Variants in CMSS1 observed in about 807,000 individuals in gnomAD.
CMSS1 encodes cms1 ribosomal small subunit homolog.
In CMSS1, 33 loss-of-function variants were observed where a neutral mutation model predicts 43.5. The observed-to-expected ratio is 0.76, with a 90% CI of 0.57 to 1.01. The LOEUF (loss-of-function observed/expected upper bound fraction) is 1.01, where lower values mean the gene tolerates loss of function less well. Ranked by LOEUF, CMSS1 falls within the 50% of genes least tolerant of loss-of-function variation. The pLI is 0.00. For missense variants in CMSS1, 313 were observed against 326.4 expected (o/e 0.96, Z 0.32); for synonymous variants, 115 against 117.2 (o/e 0.98, Z 0.12).
chr3:100,155,827 A>G (rs1386072018), intron 2 of CMSS1, among the ~76,000 whole-genome samples: 2 of 152,176 alleles, frequency 1.3e-5, no homozygotes, highest in Non-Finnish European at 2.9e-5. Context: ...TCATTCCATT[A>G]AGTTCTAGCA....
chr3:100,024,040 C>G (rs1169079269), intron 1 of CMSS1, among the ~76,000 whole-genome samples: 1 of 152,108 alleles, frequency 6.6e-6, no homozygotes, highest in Admixed American at 6.6e-5. Flanking sequence ...CAAGGATATG[C>G]CAGACTATCA....
At chr3:100,012,159 G>A (rs1373585505) in intron 1 of CMSS1, among the ~76,000 whole-genome samples, 2 of 152,154 alleles carry the variant, frequency 1.3e-5, no homozygotes, top group Non-Finnish European at 1.5e-5. Context: ...CTAAACTTGA[G>A]TGGGATTTAT....
chr3:100,102,133 C>T lies in CMSS1; in HGVS notation c.65-44840C>T, dbSNP rs186008345. On this transcript the variant is annotated intron_variant, in intron 1 of 9. Transcript: ENST00000421999. ...AGATTTATAATCCTTTGGGTATATACCCAGTAATGGGATTGCTGGGTCAAA... is the reference window on the plus strand; with the variant it reads ...AGATTTATAATCCTTTGGGTATATATCCAGTAATGGGATTGCTGGGTCAAA... 6.1e-3 allele frequency among the ~76,000 whole-genome samples: 924 copies of T among 152,256 alleles called. 12 individuals carry two copies. Among genetic ancestry groups the T allele is most frequent in the African/African-American group, 0.021 (872 of 41,528 alleles).
chr3:99,901,540 T>C (rs909555838), intron 1 of CMSS1, among the ~76,000 whole-genome samples: 3 of 152,240 alleles, frequency 2.0e-5, no homozygotes, highest in African/African-American at 7.2e-5. Flanking sequence ...TAGCCAGATG[T>C]TCGTCGGGAA....
chr3:100,142,988 T>C (rs567787508), intron 1 of CMSS1, among the ~76,000 whole-genome samples: 1 of 152,298 alleles, frequency 6.6e-6, no homozygotes, highest in African/African-American at 2.4e-5. Flanking sequence ...GGTAAAATTA[T>C]GTGCCAATTT....
chr3:100,054,529 T>C (rs563375609), intron 1 of CMSS1, among the ~76,000 whole-genome samples: 1 of 151,590 alleles, frequency 6.6e-6, no homozygotes, highest in Admixed American at 6.6e-5. Context: ...TATGTTATGT[T>C]ATGTTATGTT....
At chr3:100,018,910 G>A (rs1710423132) in intron 1 of CMSS1, among the ~76,000 whole-genome samples, 2 of 152,168 alleles carry the variant, frequency 1.3e-5, no homozygotes, top group Admixed American at 6.5e-5. Context: ...ACATCTCTCA[G>A]AAGAAGATAA....
chr3:99,967,201 C>T (rs533075687), intron 1 of CMSS1, among the ~76,000 whole-genome samples: 1 of 152,104 alleles, frequency 6.6e-6, no homozygotes, highest in Non-Finnish European at 1.5e-5. Context: ...GCTCTTAGCC[C>T]CACCTCTGAC....
rs199922409 is a variant in CMSS1 at position 99,930,849 on chromosome 3, T to A, written c.64+112806T>A. ...TCTTCTGCTTGGTGGCCATTACCAC[T>A]GTGTGGCTTCTCTGCCTTGGGACAC... On this transcript the variant is annotated intron_variant, in intron 1 of 9. Coordinates refer to ENST00000421999, the MANE Select transcript of CMSS1 (RefSeq NM_032359.4). 11 of 1,613,076 alleles carry A rather than the reference T, an allele frequency of 6.8e-6. No homozygotes were observed. The highest frequency in any genetic ancestry group is 8.5e-6 in the Non-Finnish European group (10 of 1,179,754).
intron 1 of CMSS1, among the ~76,000 whole-genome samples, chr3:100,136,114 A>C (rs544755521): frequency 6.6e-6 from 1 of 152,288 alleles, no homozygotes; most frequent in South Asian, 2.1e-4. Flanking sequence ...AAAACTTCTG[A>C]TAGAGAGAAT....
intron 1 of CMSS1, among the ~76,000 whole-genome samples, chr3:99,947,131 CTG>C (rs1708033800): frequency 1.3e-5 from 1 of 76,428 alleles, no homozygotes; most frequent in Non-Finnish European, 2.3e-5. Context: ...GAGCAAGACT[CTG>C]TCTCAAAAAA....
intron 1 of CMSS1, among the ~76,000 whole-genome samples, chr3:99,983,464 GTATATATATATATATATATATATATATA>G (rs1191587665): frequency 1.6e-4 from 2 of 12,676 alleles, no homozygotes; most frequent in African/African-American, 2.1e-4. Context: ...ATATATGTGT[GTATATATATATATATATATATATATATA>G]TATATATATA....
At chr3:100,055,285 T>C (rs1274323174) in intron 1 of CMSS1, among the ~76,000 whole-genome samples, 1 of 152,204 alleles carries the variant, frequency 6.6e-6, no homozygotes, top group Non-Finnish European at 1.5e-5. Context: ...TTCCTCAGTA[T>C]CTTTAGCATT....
intron 1 of CMSS1, among the ~76,000 whole-genome samples, chr3:100,106,175 G>A (rs1243752213): frequency 6.6e-6 from 1 of 152,148 alleles, no homozygotes; most frequent in Non-Finnish European, 1.5e-5. Flanking sequence ...ATCAGAAGAG[G>A]TTGACTTATC....
At chr3:100,062,997 A>T (rs934279299) in intron 1 of CMSS1, among the ~76,000 whole-genome samples, 19 of 152,370 alleles carry the variant, frequency 1.2e-4, no homozygotes, top group Admixed American at 3.9e-4. Flanking sequence ...CTTTTGACAC[A>T]TAAAGGCAAA....
intron 1 of CMSS1, chr3:99,849,691 CT>C: frequency 1.9e-6 from 3 of 1,613,452 alleles, no homozygotes; most frequent in Non-Finnish European, 2.5e-6. Context: ...ATTAGCATAC[CT>C]TCGTTCTAGA....
At chr3:100,137,851 T>C (rs2066769079) in intron 1 of CMSS1, among the ~76,000 whole-genome samples, 1 of 152,142 alleles carries the variant, frequency 6.6e-6, no homozygotes, top group Admixed American at 6.5e-5. Flanking sequence ...CAGGCTGAGC[T>C]ACCACGACCA....
At chr3:99,908,643 G>T (rs556606064) in intron 1 of CMSS1, among the ~76,000 whole-genome samples, 5 of 152,208 alleles carry the variant, frequency 3.3e-5, no homozygotes, top group African/African-American at 9.6e-5. Flanking sequence ...CTTCTTCAGG[G>T]TGATTATCTG....
rs527409231 is a variant in CMSS1, at chr3:99,911,541, C to T, written c.64+93498C>T. Among the ~76,000 whole-genome samples the T allele has an allele frequency of 1.6e-4, 25 of 151,816 alleles. No individual in the cohort carries two copies. The East Asian group carries it at 4.5e-3, about 27-fold the overall frequency. On this transcript the variant is annotated intron_variant, in intron 1 of 9. Transcript: ENST00000421999. ...GTTGTGGCATACAGGGTCTGTATGC[C>T]CTGGCTCTAAAATACTCATCCTCAC...
Sources: gnomAD v4.1 joint callset for allele counts (sites outside exome capture counted in the v4.1 genomes callset) on GRCh38, gnomAD v4.1.1 for gene constraint, MANE v1.5 for transcripts, NCBI Gene and HGNC (gene_info 2026-07-23, HGNC 2026-07-21) for gene names.